AFG1L: variants seen among roughly 807,000 people sequenced by gnomAD.
AFG1L encodes AFG1-like ATPase.
In AFG1L, 53 loss-of-function variants were observed where a neutral mutation model predicts 62.2. That is an observed-to-expected ratio of 0.85 (90% CI 0.68 to 1.07). The LOEUF is 1.07. Among genes scored for constraint, AFG1L ranks in the 50% least tolerant of loss-of-function variants. The pLI is 0.00. For missense variants in AFG1L, 555 were observed against 590.5 expected (o/e 0.94, Z 0.62); for synonymous variants, 228 against 210.3 (o/e 1.08, Z -0.73).
chr6:108,355,802 A>C (rs750971048), intron 4 of AFG1L, 47 bp downstream of exon 4: 1 of 1,218,812 alleles, frequency 8.2e-7, no homozygotes, highest in African/African-American at 1.5e-5. Context: ...GGGAAACGCT[A>C]CAAAATGGTT....
intron 7 of AFG1L, among the ~76,000 whole-genome samples, chr6:108,409,470 G>A (rs1190039706): frequency 6.6e-6 from 1 of 152,050 alleles, no homozygotes; most frequent in Non-Finnish European, 1.5e-5. Flanking sequence ...CGGGGGGAGA[G>A]GCAGAGATGA....
At chr6:108,345,383 A>G (rs1217944757) in intron 2 of AFG1L, among the ~76,000 whole-genome samples, 6 of 152,018 alleles carry the variant, frequency 3.9e-5, no homozygotes, top group African/African-American at 1.4e-4. Context: ...TGAGTGAGAC[A>G]GGGTCTTGCT....
chr6:108,508,366 T>A (rs899382572), intron 10 of AFG1L, among the ~76,000 whole-genome samples: 2 of 151,990 alleles, frequency 1.3e-5, no homozygotes, highest in African/African-American at 4.8e-5. Context: ...ATGGCTGAGG[T>A]GAGTGGCTTG....
chr6:108,506,255 C>T (rs540020673), intron 10 of AFG1L, among the ~76,000 whole-genome samples: 2 of 152,254 alleles, frequency 1.3e-5, no homozygotes, highest in East Asian at 3.9e-4. Context: ...CGACCAGGCT[C>T]GAGTGCAATG....
At chr6:108,303,505 C>G (rs964578738) in intron 1 of AFG1L, among the ~76,000 whole-genome samples, 1 of 152,198 alleles carries the variant, frequency 6.6e-6, no homozygotes, top group Non-Finnish European at 1.5e-5. Flanking sequence ...AGGACCATTT[C>G]TACTCCTTGC....
At chr6:108,450,938 T>TAAAA (rs201994960) in intron 8 of AFG1L, among the ~76,000 whole-genome samples, 2 of 136,844 alleles carry the variant, frequency 1.5e-5, no homozygotes, top group African/African-American at 5.4e-5. Flanking sequence ...CCACTGGTAT[T>TAAAA]AAAAAAAAAA....
chr6:108,304,855 A>G (rs1777144371), intron 1 of AFG1L, among the ~76,000 whole-genome samples: 1 of 152,226 alleles, frequency 6.6e-6, no homozygotes, highest in African/African-American at 2.4e-5. Flanking sequence ...TGGTGAACAT[A>G]TGGGATACCA....
At chr6:108,356,845 A>G (rs768622681) in intron 5 of AFG1L, 25 bp downstream of exon 5, 2 of 1,576,940 alleles carry the variant, frequency 1.3e-6, no homozygotes, top group Non-Finnish European at 1.7e-6. Context: ...TTTCATAGAT[A>G]TAGAATGGTA....
intron 1 of AFG1L, among the ~76,000 whole-genome samples, chr6:108,295,441 G>GGTT: frequency 6.6e-6 from 1 of 152,198 alleles, no homozygotes; most frequent in Admixed American, 6.5e-5. Context: ...GAGGGTCAGA[G>GGTT]GTTGACTCAG....
chr6:108,322,294 T>C (rs1170272069), intron 1 of AFG1L, among the ~76,000 whole-genome samples: 1 of 152,176 alleles, frequency 6.6e-6, no homozygotes, highest in Non-Finnish European at 1.5e-5. Context: ...AACCAGGCTT[T>C]GTGTATCTTG....
At chr6:108,387,278 GC>G (rs1340043645) in intron 6 of AFG1L, among the ~76,000 whole-genome samples, 1 of 152,250 alleles carries the variant, frequency 6.6e-6, no homozygotes, top group Non-Finnish European at 1.5e-5. Context: ...TCCCAGGGTG[GC>G]TTCCCAAGGT....
intron 1 of AFG1L, 93 bp downstream of exon 1, chr6:108,295,311 C>T: frequency 1.4e-6 from 2 of 1,426,222 alleles, no homozygotes; most frequent in Non-Finnish European, 1.9e-6. Context: ...CCCCAGGTGT[C>T]TCCTGCTTTC....
At chr6:108,400,830 ATATATTTATATATAATG>A (rs1421303487) in intron 6 of AFG1L, among the ~76,000 whole-genome samples, 2 of 24,590 alleles carry the variant, frequency 8.1e-5, no homozygotes, top group African/African-American at 1.5e-3. Flanking sequence ...TATATAAAAT[ATATATTTATATATAATG>A]CAAATATATA....
intron 1 of AFG1L, among the ~76,000 whole-genome samples, chr6:108,310,527 G>A (rs996309665): frequency 4.6e-5 from 7 of 150,820 alleles, no homozygotes; most frequent in Non-Finnish European, 8.8e-5. Flanking sequence ...TATCAGAGAT[G>A]TGATTTGCAA....
At chr6:108,405,786 T>C (rs1430214797) in intron 7 of AFG1L, among the ~76,000 whole-genome samples, 1 of 152,210 alleles carries the variant, frequency 6.6e-6, no homozygotes, top group Non-Finnish European at 1.5e-5. Flanking sequence ...TAACCACCCA[T>C]TGTCCCCCTT....
chr6:108,328,394 C>CTTTTG (rs949153646), intron 2 of AFG1L, among the ~76,000 whole-genome samples: 3 of 151,810 alleles, frequency 2.0e-5, no homozygotes, highest in Admixed American at 2.0e-4. Context: ...AAATATATTC[C>CTTTTG]TTTTGTTTTG....
intron 1 of AFG1L, among the ~76,000 whole-genome samples, chr6:108,313,330 G>T (rs1299723883): frequency 6.6e-6 from 1 of 152,142 alleles, no homozygotes; most frequent in African/African-American, 2.4e-5. Flanking sequence ...CATCTTTAAA[G>T]TAGGGATAAT....
At chr6:108,515,823 C>T (rs1774860071) in intron 11 of AFG1L, among the ~76,000 whole-genome samples, 1 of 152,054 alleles carries the variant, frequency 6.6e-6, no homozygotes, top group Non-Finnish European at 1.5e-5. Context: ...GGGGATATCA[C>T]CACTGATCCC....
chr6:108,318,621 A>C (rs1269179435), intron 1 of AFG1L, among the ~76,000 whole-genome samples: 2 of 152,230 alleles, frequency 1.3e-5, no homozygotes, highest in Admixed American at 6.5e-5. Flanking sequence ...ATATTGATTA[A>C]ATCTTTTAGA....
Sources: gnomAD v4.1 joint callset for allele counts (sites outside exome capture counted in the v4.1 genomes callset) on GRCh38, gnomAD v4.1.1 for gene constraint, MANE v1.5 for transcripts, NCBI Gene and HGNC (gene_info 2026-07-23, HGNC 2026-07-21) for gene names.